Variants in USP34 observed in about 807,000 individuals in gnomAD.
The protein encoded by USP34 is ubiquitin carboxyl-terminal hydrolase 34.
A neutral mutation model predicts 460.3 loss-of-function variants in USP34; 70 were observed. The observed-to-expected ratio is 0.15, with a 90% CI of 0.13 to 0.19. The LOEUF (loss-of-function observed/expected upper bound fraction) is 0.19. Among genes scored for constraint, USP34 ranks in the 10% least tolerant of loss-of-function variants. USP34 has a pLI of 1.00. For missense variants in USP34, 3,985 were observed against 4,236.2 expected, an observed-to-expected ratio of 0.94 and a Z score of 1.65; for synonymous variants, 1,647 against 1,405.3, an observed-to-expected ratio of 1.17 and a Z score of -3.85.
At chr2:61,464,576 C>T (rs1695706858) in intron 1 of USP34, among the ~76,000 whole-genome samples, 1 of 151,990 alleles carries the variant, frequency 6.6e-6, no homozygotes, top group African/African-American at 2.4e-5. Flanking sequence ...AGAGTAAAAT[C>T]TACAACACAT....
intron 41 of USP34, among the ~76,000 whole-genome samples, chr2:61,272,753 G>A (rs1236684742): frequency 6.6e-6 from 1 of 152,118 alleles, no homozygotes; most frequent in Non-Finnish European, 1.5e-5. Context: ...ACATGAACAT[G>A]AAGACCTTTT....
chr2:61,210,566 T>C (rs1252188375), intron 69 of USP34, among the ~76,000 whole-genome samples: 4 of 152,232 alleles, frequency 2.6e-5, no homozygotes. Flanking sequence ...CCTGTTGTTA[T>C]GCAACACATG....
chr2:61,462,234 C>T (rs968768466), intron 1 of USP34, among the ~76,000 whole-genome samples: 4 of 140,788 alleles, frequency 2.8e-5, no homozygotes, highest in Non-Finnish European at 4.6e-5. Context: ...AACAAGACTC[C>T]ATCTCAGGGG....
rs187166606 is a variant in USP34, at chr2:61,426,114, G to A, written c.44-5281C>T. On this transcript the variant is annotated intron_variant, in intron 1 of 79. Coordinates refer to ENST00000398571, the MANE Select transcript of USP34 (RefSeq NM_014709.4). ...TAGCGATATCCAAGTACTACATTGA[G>A]GGCCTCAGTTGAGCCTCTGAGACTT... is the stretch of plus-strand genomic sequence containing the variant. 3.0e-3 allele frequency among the ~76,000 whole-genome samples: 456 copies of A among 152,214 alleles called. 3 individuals are homozygous for A. The highest frequency in any genetic ancestry group is 0.01 in the African/African-American group (431 of 41,530).
chr2:61,315,821 T>C (rs1690726574), intron 23 of USP34, among the ~76,000 whole-genome samples: 1 of 152,166 alleles, frequency 6.6e-6, no homozygotes, highest in South Asian at 2.1e-4. Context: ...ACAACTTTAG[T>C]GTTAATGTCA....
At chr2:61,434,760 A>C (rs2104006627) in intron 1 of USP34, among the ~76,000 whole-genome samples, 1 of 146,434 alleles carries the variant, frequency 6.8e-6, no homozygotes, top group Admixed American at 6.9e-5. Context: ...TTACTCCATA[A>C]AATTGAAAGG....
chr2:61,378,515 T>C, intron 7 of USP34, 91 bp from the exon 8 acceptor site: 3 of 748,412 alleles, frequency 4.0e-6, no homozygotes, highest in Non-Finnish European at 4.4e-6. Context: ...CTGATTGACA[T>C]ATGTAGATCA....
chr2:61,385,170 G>C (rs1337317785), intron 5 of USP34, among the ~76,000 whole-genome samples: 1 of 151,984 alleles, frequency 6.6e-6, no homozygotes, highest in East Asian at 1.9e-4. Context: ...ATGTGTCTAG[G>C]AGTAATCTAA....
intron 23 of USP34, among the ~76,000 whole-genome samples, chr2:61,316,402 T>C (rs185935360): frequency 4.5e-4 from 69 of 151,652 alleles, no homozygotes; most frequent in Non-Finnish European, 1.0e-4. Context: ...CTGGTCAACG[T>C]GGTGAAAACC....
intron 10 of USP34, among the ~76,000 whole-genome samples, chr2:61,361,877 T>C (rs1298495564): frequency 6.6e-6 from 1 of 151,964 alleles, no homozygotes; most frequent in Non-Finnish European, 1.5e-5. Flanking sequence ...AAAAGCAACC[T>C]ACAAAATGGA....
chr2:61,415,173 A>C (rs1694157766), intron 2 of USP34, among the ~76,000 whole-genome samples: 1 of 152,140 alleles, frequency 6.6e-6, no homozygotes, highest in South Asian at 2.1e-4. Flanking sequence ...CTCCTGCCTC[A>C]GAGACAAGCA....
At position 61,420,876 on chromosome 2, in the gene USP34, C is replaced by G. The variant is rs370148515; in HGVS notation, c.44-43G>C. 678 of 1,450,802 alleles carry G rather than the reference C, an allele frequency of 4.7e-4. 5 individuals carry two copies. The highest frequency in any genetic ancestry group is 3.4e-3 in the Middle Eastern group (15 of 4,372). The allele number at this position is 1,450,802 out of a possible 1,614,324, so 89.9% of individuals were successfully genotyped here. On this transcript the variant is annotated intron_variant, in intron 1 of 79. Coordinates refer to ENST00000398571, the MANE Select transcript of USP34 (RefSeq NM_014709.4). ...TTTTAAAATTATGAATAATGCTAAA[C>G]CAGTATTAAAGCCAACAGTTCAAAA...
rs533198300 is a variant in USP34 at position 61,413,939 on chromosome 2, A to C, written c.131+6807T>G. Among the ~76,000 whole-genome samples the C allele has an allele frequency of 4.0e-5, 6 of 149,234 alleles. No individual in the cohort carries two copies. The East Asian group carries it at 1.2e-3, about 29-fold the overall frequency. On this transcript the variant is annotated intron_variant, in intron 2 of 79. Transcript: ENST00000398571. ...AGTGAGACTCAGTCTCAAAAAAATT[A>C]AAAAAATTAAAAAAATTAAAAATAA...
intron 67 of USP34, among the ~76,000 whole-genome samples, chr2:61,219,251 G>C (rs977527761): frequency 1.3e-5 from 2 of 152,098 alleles, no homozygotes; most frequent in Admixed American, 1.3e-4. Flanking sequence ...TTTGATTTTT[G>C]AGTACTTTCA....
At chr2:61,314,357 C>A (rs1274525248) in intron 25 of USP34, among the ~76,000 whole-genome samples, 1 of 152,064 alleles carries the variant, frequency 6.6e-6, no homozygotes, top group Non-Finnish European at 1.5e-5. Context: ...TGCTCAAACT[C>A]TATTATTAAA....
At chr2:61,469,646 TTAGA>T (rs1214183536) in intron 1 of USP34, among the ~76,000 whole-genome samples, 13 of 152,218 alleles carry the variant, frequency 8.5e-5, no homozygotes, top group Non-Finnish European at 1.2e-4. Context: ...TATTACAAAA[TTAGA>T]TAGTCTGAAA....
chr2:61,363,179 T>C lies in USP34; in HGVS notation c.1251+7142A>G, dbSNP rs368555056. Among the ~76,000 whole-genome samples the C allele has an allele frequency of 9.2e-5, 14 of 152,250 alleles. No individual in the cohort carries two copies. The East Asian group carries it at 2.1e-3, about 23-fold the overall frequency. On this transcript the variant is annotated intron_variant, in intron 10 of 79. Coordinates refer to ENST00000398571, the MANE Select transcript of USP34 (RefSeq NM_014709.4). The stretch of plus-strand genomic sequence containing the variant: ...AGATACAAATTCACACCTACTAGGA[T>C]AGCTGAATTTTTTTTCAAAATGGAA...
chr2:61,447,296 A>G (rs1418246595), intron 1 of USP34, among the ~76,000 whole-genome samples: 1 of 150,000 alleles, frequency 6.7e-6, no homozygotes, highest in African/African-American at 2.4e-5. Flanking sequence ...GAAAACATAT[A>G]TAATTCCACT....
At chr2:61,341,298 T>C (rs1691591131) in intron 16 of USP34, among the ~76,000 whole-genome samples, 1 of 152,208 alleles carries the variant, frequency 6.6e-6, no homozygotes, top group African/African-American at 2.4e-5. Context: ...TTCACTTCTC[T>C]TGAGTAAAAA....
Sources: gnomAD v4.1 joint callset for allele counts (sites outside exome capture counted in the v4.1 genomes callset) on GRCh38, gnomAD v4.1.1 for gene constraint, MANE v1.5 for transcripts, NCBI Gene and HGNC (gene_info 2026-07-23, HGNC 2026-07-21) for gene names.